PCSK5: variants seen among roughly 807,000 people sequenced by gnomAD.
PCSK5 encodes the protein proprotein convertase subtilisin/kexin type 5, also known as prohormone convertase 5.
A neutral mutation model predicts 233.2 loss-of-function variants in PCSK5; 129 were observed. The ratio of observed to expected loss-of-function variants is 0.55; its 90% CI spans 0.48 to 0.64. PCSK5 has a LOEUF of 0.64. Ranked by LOEUF, PCSK5 falls within the 30% of genes least tolerant of loss-of-function variation. The pLI is 0.00. For synonymous variants in PCSK5, 825 were observed against 879.2 expected, an observed-to-expected ratio of 0.94 and a Z score of 1.09; for missense variants, 2,076 against 2,430.1, an observed-to-expected ratio of 0.85 and a Z score of 3.06.
At chr9:76,113,691 A>C (rs1222695283) in intron 9 of PCSK5, among the ~76,000 whole-genome samples, 1 of 152,184 alleles carries the variant, frequency 6.6e-6, no homozygotes, top group Non-Finnish European at 1.5e-5. Context: ...CCACATAGGA[A>C]GGATAGACAT....
chr9:76,275,841 C>T (rs973414093), intron 24 of PCSK5, among the ~76,000 whole-genome samples: 1 of 152,196 alleles, frequency 6.6e-6, no homozygotes, highest in Non-Finnish European at 1.5e-5. Flanking sequence ...TTCTATCATT[C>T]GCCACACTGT....
intron 1 of PCSK5, among the ~76,000 whole-genome samples, chr9:75,918,164 G>A (rs1389203838): frequency 1.3e-5 from 2 of 152,158 alleles, no homozygotes; most frequent in African/African-American, 4.8e-5. Context: ...CATAGATTGG[G>A]CCCTTAGCGT....
At chr9:76,214,850 A>T (rs2131291517) in intron 20 of PCSK5, among the ~76,000 whole-genome samples, 1 of 152,258 alleles carries the variant, frequency 6.6e-6, no homozygotes, top group Admixed American at 6.5e-5. Context: ...TAAGTGTGAA[A>T]ATATTGAGAA....
chr9:75,946,516 C>G lies in PCSK5; in HGVS notation c.297+14033C>G, dbSNP rs1443256425. Among the ~76,000 whole-genome samples, 5 of 152,290 alleles carry G rather than the reference C, an allele frequency of 3.3e-5. No individual in the cohort carries two copies. In the East Asian group the frequency reaches 9.6e-4, roughly 29 times the overall value. Reference sequence around the variant, plus strand: ...TTTTACTATTAGTCCATGTTGCCATCATATTGCTTTTTTCATATTCTCTGT... The same window carrying G: ...TTTTACTATTAGTCCATGTTGCCATGATATTGCTTTTTTCATATTCTCTGT... On this transcript the variant is annotated intron_variant, in intron 2 of 37. Transcript: ENST00000674117.
chr9:76,031,621 C>T (rs1828655201), intron 5 of PCSK5, among the ~76,000 whole-genome samples: 1 of 152,052 alleles, frequency 6.6e-6, no homozygotes. Context: ...CCTAGGAGGT[C>T]AAGGTTGCAG....
At chr9:76,077,331 C>G (rs1372453403) in intron 7 of PCSK5, among the ~76,000 whole-genome samples, 1 of 152,178 alleles carries the variant, frequency 6.6e-6, no homozygotes, top group East Asian at 1.9e-4. Context: ...ATTTCTCTCT[C>G]AACTCTATTG....
intron 1 of PCSK5, among the ~76,000 whole-genome samples, chr9:75,926,984 C>T (rs1823521196): frequency 1.3e-5 from 2 of 152,060 alleles, no homozygotes; most frequent in Admixed American, 6.6e-5. Context: ...GGGTAAATAC[C>T]TAGAAACAAA....
rs113215908 is a variant in PCSK5 at position 75,894,150 on chromosome 9, A to C, written c.192+2777A>C. On this transcript the variant is annotated intron_variant, in intron 1 of 37. Transcript: ENST00000674117. ...TTACGTGTTGCAAATTGGAACTGAAACTTGTTATTATTTCTGCAGTCATTT... is the reference window on the plus strand; with the variant it reads ...TTACGTGTTGCAAATTGGAACTGAACCTTGTTATTATTTCTGCAGTCATTT... Among the ~76,000 whole-genome samples the C allele has an allele frequency of 4.8e-3, 736 of 152,272 alleles. 3 individuals carry two copies. The highest frequency in any genetic ancestry group is 0.017 in the African/African-American group (688 of 41,540).
chr9:76,233,344 T>A, intron 21 of PCSK5, 116 bp from the exon 22 acceptor site: 1 of 1,006,610 alleles, frequency 9.9e-7, no homozygotes, highest in Non-Finnish European at 1.5e-6. Context: ...ATCCCCCTTG[T>A]TTCTGGAACA....
rs1477949916 is a variant in PCSK5, at chr9:76,359,637, G to A, written c.*715G>A. The A allele has an allele frequency of 3.3e-5, 5 of 152,168 alleles. No homozygotes were observed. The allele number at this position is 152,168 out of a possible 1,614,324, so 9.4% of individuals were successfully genotyped here. On this transcript the variant is annotated 3_prime_UTR_variant, in exon 38 of 38. Coordinates refer to ENST00000674117, the MANE Select transcript of PCSK5 (RefSeq NM_001372043.1). ...CACAACAATTCTAAAGGCAGAGCAAGCCCAGCGAGAAAGAAATAACTGAAT... is the reference window on the plus strand; with the variant it reads ...CACAACAATTCTAAAGGCAGAGCAAACCCAGCGAGAAAGAAATAACTGAAT...
chr9:76,075,870 T>C (rs2131610580), intron 7 of PCSK5, among the ~76,000 whole-genome samples: 1 of 152,326 alleles, frequency 6.6e-6, no homozygotes, highest in East Asian at 1.9e-4. Context: ...ACTTTCTATA[T>C]GCTGTAGATA....
intron 35 of PCSK5, among the ~76,000 whole-genome samples, chr9:76,344,184 A>T (rs1829913607): frequency 6.6e-6 from 1 of 152,134 alleles, no homozygotes; most frequent in Non-Finnish European, 1.5e-5. Flanking sequence ...AATAACCTAG[A>T]GCAATGGTTT....
intron 27 of PCSK5, among the ~76,000 whole-genome samples, chr9:76,300,418 T>A (rs138955899): frequency 2.6e-5 from 4 of 152,294 alleles, no homozygotes; most frequent in African/African-American, 9.6e-5. Flanking sequence ...AAAGGAAGCA[T>A]CTGTATCAGC....
intron 30 of PCSK5, among the ~76,000 whole-genome samples, chr9:76,313,856 A>G (rs1828940256): frequency 6.6e-6 from 1 of 152,116 alleles, no homozygotes; most frequent in South Asian, 2.1e-4. Flanking sequence ...GGGTCAGAGT[A>G]AGAGAACCCA....
intron 2 of PCSK5, among the ~76,000 whole-genome samples, chr9:75,972,933 A>C (rs1341706252): frequency 3.3e-5 from 5 of 152,210 alleles, no homozygotes; most frequent in African/African-American, 1.2e-4. Context: ...CTATGCCATC[A>C]GCTGACAAGA....
rs1352609197 is a variant in PCSK5, at chr9:76,327,868, C to T, written c.4340-141C>T. The T allele has an allele frequency of 4.3e-6, 3 of 694,086 alleles. No homozygotes were observed. In the African/African-American group the frequency reaches 5.2e-5, roughly 12 times the overall value. 43.0% of individuals were successfully genotyped at this position (694,086 alleles called of 1,614,324 possible). On this transcript the variant is annotated intron_variant, in intron 32 of 37. Transcript: ENST00000674117. ...TCAAGGGCTGTACTCAACTCATGGC[C>T]CCACACCATTGGCCCAGAGCTCTGG...
chr9:76,058,667 C>T (rs1428999638), intron 5 of PCSK5, among the ~76,000 whole-genome samples: 1 of 151,996 alleles, frequency 6.6e-6, no homozygotes, highest in African/African-American at 2.4e-5. Flanking sequence ...AATTCATCAG[C>T]TACATGGGGA....
intron 7 of PCSK5, among the ~76,000 whole-genome samples, chr9:76,080,396 C>T (rs951474426): frequency 8.5e-5 from 13 of 152,158 alleles, no homozygotes; most frequent in Admixed American, 4.6e-4. Context: ...TTCTACTGAT[C>T]TCATTGTCTC....
intron 5 of PCSK5, among the ~76,000 whole-genome samples, chr9:76,029,118 C>T (rs1034414004): frequency 3.3e-5 from 5 of 152,124 alleles, no homozygotes; most frequent in African/African-American, 9.7e-5. Context: ...GGAGCTGAAC[C>T]GCTTTGCTGC....
Sources: gnomAD v4.1 joint callset for allele counts (sites outside exome capture counted in the v4.1 genomes callset) on GRCh38, gnomAD v4.1.1 for gene constraint, MANE v1.5 for transcripts, NCBI Gene and HGNC (gene_info 2026-07-23, HGNC 2026-07-21) for gene names.